Variants in LSS observed in about 807,000 individuals in gnomAD.
The protein encoded by LSS is 2,3-epoxysqualene-lanosterol cyclase.
LSS carries 90 observed loss-of-function variants against 110.3 expected under a neutral mutation model. The observed-to-expected ratio is 0.82, with a 90% CI of 0.69 to 0.97. The LOEUF (loss-of-function observed/expected upper bound fraction) is 0.97, where lower values mean the gene tolerates loss of function less well. Among genes scored for constraint, LSS ranks in the 50% least tolerant of loss-of-function variants. LSS has a pLI of 0.00. For missense variants in LSS, 927 were observed against 990.0 expected (o/e 0.94, Z 0.85); for synonymous variants, 433 against 400.0 (o/e 1.08, Z -0.98).
At chr21:46,196,949 T>C (rs1458086616) in intron 17 of LSS, among the ~76,000 whole-genome samples, 2 of 152,248 alleles carry the variant, frequency 1.3e-5, no homozygotes, top group African/African-American at 2.4e-5. Flanking sequence ...CCGAGGACCC[T>C]GTGTGCTCAG....
intron 17 of LSS, among the ~76,000 whole-genome samples, chr21:46,198,829 C>CAAA (rs35148484): frequency 0.1 from 7,622 of 73,226 alleles, 557 homozygotes; most frequent in Middle Eastern, 0.17. Flanking sequence ...CATCCACATG[C>CAAA]AAAAAAAAAA....
intron 5 of LSS, among the ~76,000 whole-genome samples, chr21:46,219,796 G>T (rs1480279966): frequency 6.6e-6 from 1 of 152,176 alleles, no homozygotes; most frequent in Non-Finnish European, 1.5e-5. Context: ...GGCTTTCCTG[G>T]GAGTGTGTGT....
intron 16 of LSS, 74 bp from the exon 17 acceptor site, chr21:46,206,015 A>G: frequency 8.5e-7 from 1 of 1,171,038 alleles, no homozygotes. Flanking sequence ...AGGCAAAGCC[A>G]CAACAAGCAA....
intron 8 of LSS, 93 bp from the exon 9 acceptor site, chr21:46,215,391 C>CT: frequency 2.4e-6 from 2 of 850,728 alleles, no homozygotes; most frequent in Admixed American, 2.1e-5. Flanking sequence ...TTGCCCTTCC[C>CT]AGGGTTTCCC....
chr21:46,226,124 G>A (rs114375961), intron 3 of LSS, among the ~76,000 whole-genome samples: 2,977 of 137,158 alleles, frequency 0.022, 96 homozygotes, highest in African/African-American at 0.081. Flanking sequence ...GAACAAGAGC[G>A]AACGCTGTCT....
intron 17 of LSS, among the ~76,000 whole-genome samples, chr21:46,202,763 G>C (rs1191163597): frequency 1.3e-5 from 2 of 152,172 alleles, no homozygotes; most frequent in Admixed American, 1.3e-4. Context: ...TGTAGTCCCA[G>C]CTACTCAGGA....
intron 9 of LSS, 99 bp downstream of exon 9, chr21:46,215,081 A>G (rs906648731): frequency 2.7e-5 from 26 of 961,472 alleles, no homozygotes; most frequent in Admixed American, 7.3e-5. Context: ...ACCAGGCTCC[A>G]GGAAACCCCA....
chr21:46,195,553 C>A (rs2079897900), intron 19 of LSS, 123 bp downstream of exon 19: 4 of 933,390 alleles, frequency 4.3e-6, no homozygotes, highest in South Asian at 2.9e-5. Context: ...CAGAGCGAGA[C>A]TCCGTCTCAA....
In LSS at chr21:46,213,652, C is replaced by G. The variant is rs1050420276; in HGVS notation, c.1109+86G>C. 3 of 1,217,794 alleles carry G rather than the reference C, an allele frequency of 2.5e-6. No homozygotes were observed. The African/African-American group carries it at 4.5e-5, about 18-fold the overall frequency. 75.4% of individuals were successfully genotyped at this position (1,217,794 alleles called of 1,614,324 possible). A position where few individuals can be genotyped will look rare whatever the true frequency, so the allele number is the denominator to read the frequency against. ...CCCTGGCAGTATTCCCAGATGGCAC[C>G]GTGGGGGCCCCCTCACTGGGATGCA... is the stretch of plus-strand genomic sequence containing the variant. On this transcript the variant is annotated intron_variant, in intron 10 of 21. Transcript: ENST00000397728.
intron 17 of LSS, among the ~76,000 whole-genome samples, chr21:46,205,597 T>C (rs1409377540): frequency 6.6e-6 from 1 of 152,220 alleles, no homozygotes; most frequent in Non-Finnish European, 1.5e-5. Context: ...CTTCTTAACA[T>C]TATTAAAAGA....
Position 46,215,201 on chromosome 21 carries a change from G to C in LSS, c.990C>G (p.Thr330=), listed in dbSNP as rs749979739. The C allele has an allele frequency of 5.0e-6, 8 of 1,610,586 alleles. No individual in the cohort carries two copies. In the Admixed American group the frequency reaches 1.3e-4, roughly 27 times the overall value. The change falls in exon 9 of 22, where the codon ACC becomes ACG. Residue 330 remains threonine (T), a synonymous_variant. Transcript: ENST00000397728. ...TGACCGGGCCGATGCTGATGCTCTT[G>C]GTGAATCGGTCGTCGGCCACAATGT... ...YEHIVADDRF[T]KSISIGPISK...
chr21:46,218,351 G>A (rs186577015), intron 6 of LSS, among the ~76,000 whole-genome samples: 567 of 90,028 alleles, frequency 6.3e-3, no homozygotes, highest in Middle Eastern at 0.012. Flanking sequence ...ACATAAGGCC[G>A]GGAGCAGTGG....
At chr21:46,206,531 A>AG in intron 16 of LSS, 141 bp downstream of exon 16, 2 of 707,402 alleles carry the variant, frequency 2.8e-6, no homozygotes, top group Non-Finnish European at 2.5e-6. Flanking sequence ...GCCTGGGCTG[A>AG]GGGAGGGCTC....
chr21:46,218,622 TCAAAA>T (rs1248731897), intron 6 of LSS, among the ~76,000 whole-genome samples: 3 of 151,766 alleles, frequency 2.0e-5, no homozygotes, highest in Non-Finnish European at 2.9e-5. Flanking sequence ...AGACTCCGTC[TCAAAA>T]CAAAACAAAA....
At chr21:46,192,340 G>A (rs1026905013) in intron 20 of LSS, 4 of 403,220 alleles carry the variant, frequency 9.9e-6, no homozygotes, top group South Asian at 7.8e-5. Context: ...GAAGGATCCA[G>A]GGCTCAGCGG....
chr21:46,218,099 C>A (rs1569033535), intron 6 of LSS, among the ~76,000 whole-genome samples: 2 of 126,276 alleles, frequency 1.6e-5, no homozygotes, highest in Non-Finnish European at 3.4e-5. Flanking sequence ...ACTTGACCCC[C>A]CACCCCCCAC....
intron 6 of LSS, among the ~76,000 whole-genome samples, chr21:46,219,058 A>G (rs1414130024): frequency 6.6e-6 from 1 of 152,212 alleles, no homozygotes; most frequent in African/African-American, 2.4e-5. Flanking sequence ...ACACACGCTG[A>G]GTCCACAGGT....
intron 17 of LSS, among the ~76,000 whole-genome samples, chr21:46,204,155 C>T (rs1480337541): frequency 6.6e-6 from 1 of 151,980 alleles, no homozygotes; most frequent in African/African-American, 2.4e-5. Flanking sequence ...ATTGGCCAGT[C>T]ATGGTGGTCA....
In LSS at chr21:46,210,223, G is replaced by A. The variant is rs547543245; in HGVS notation, c.1194+465C>T. 5.2e-3 allele frequency among the ~76,000 whole-genome samples: 795 copies of A among 152,018 alleles called. 7 individuals carry two copies. The highest frequency in any genetic ancestry group is 0.018 in the African/African-American group (751 of 41,458). On this transcript the variant is annotated intron_variant, in intron 12 of 21. Coordinates refer to ENST00000397728, the MANE Select transcript of LSS (RefSeq NM_002340.6). ...TGGGATTACAGGTGCCCGCCACCAC[G>A]CTTGGCTAATTTTTGTGTACTTTTA... is the stretch of plus-strand genomic sequence containing the variant.
Sources: gnomAD v4.1 joint callset for allele counts (sites outside exome capture counted in the v4.1 genomes callset) on GRCh38, gnomAD v4.1.1 for gene constraint, MANE v1.5 for transcripts, NCBI Gene and HGNC (gene_info 2026-07-23, HGNC 2026-07-21) for gene names.